Variants in MAPK10 observed in about 807,000 individuals in gnomAD.
MAPK10 encodes JNK3 alpha protein kinase.
A neutral mutation model predicts 59.3 loss-of-function variants in MAPK10; 25 were observed. The ratio of observed to expected loss-of-function variants is 0.42; its 90% CI spans 0.31 to 0.59. The LOEUF is 0.59. Ranked by LOEUF, MAPK10 falls within the 20% of genes least tolerant of loss-of-function variation. The probability of loss-of-function intolerance (pLI) is 0.15; values close to 1 mark genes in which losing one functional copy is unlikely to be tolerated. For synonymous variants in MAPK10, 190 were observed against 200.5 expected (o/e 0.95, Z 0.44); for missense variants, 351 against 568.9 (o/e 0.62, Z 3.90).
chr4:86,526,112 C>T (rs1757456430), intron 1 of MAPK10, among the ~76,000 whole-genome samples: 1 of 152,122 alleles, frequency 6.6e-6, no homozygotes, highest in South Asian at 2.1e-4. Flanking sequence ...CCCTCCTTCT[C>T]AATGTTTTTG....
At chr4:86,447,144 G>C (rs1750139436) in intron 1 of MAPK10, among the ~76,000 whole-genome samples, 1 of 152,154 alleles carries the variant, frequency 6.6e-6, no homozygotes, top group Admixed American at 6.5e-5. Context: ...CAGGTGTTGA[G>C]AGAGGGACCT....
chr4:86,220,285 T>C (rs543715559), intron 2 of MAPK10, among the ~76,000 whole-genome samples: 67 of 152,228 alleles, frequency 4.4e-4, no homozygotes, highest in African/African-American at 1.6e-3. Flanking sequence ...TATGGAGCCA[T>C]CATTAATCAC....
intron 1 of MAPK10, among the ~76,000 whole-genome samples, chr4:86,413,063 T>C (rs1745403549): frequency 6.6e-6 from 1 of 152,196 alleles, no homozygotes; most frequent in Non-Finnish European, 1.5e-5. Flanking sequence ...GTCTTTGATG[T>C]TGGTGACCTA....
chr4:86,225,994 A>G (rs2090548605), intron 2 of MAPK10, among the ~76,000 whole-genome samples: 1 of 152,274 alleles, frequency 6.6e-6, no homozygotes, highest in African/African-American at 2.4e-5. Flanking sequence ...GATGTTTAAC[A>G]ACAGTTTTCT....
intron 4 of MAPK10, among the ~76,000 whole-genome samples, chr4:86,112,500 C>G (rs2057655713): frequency 6.6e-6 from 1 of 152,112 alleles, no homozygotes; most frequent in Non-Finnish European, 1.5e-5. Context: ...GCATGTTGTT[C>G]ACCTTTCTCG....
chr4:86,164,301 CA>C (rs1404416286), intron 3 of MAPK10: 7 of 151,986 alleles, frequency 4.6e-5, no homozygotes, highest in African/African-American at 1.4e-4. Flanking sequence ...GTTTTAAAAA[CA>C]AATGTCAAAT....
chr4:86,390,202 T>C (rs1341005375), intron 1 of MAPK10, among the ~76,000 whole-genome samples: 1 of 152,206 alleles, frequency 6.6e-6, no homozygotes, highest in Non-Finnish European at 1.5e-5. Flanking sequence ...ATTGATTCTT[T>C]AAAATCATAT....
At chr4:86,245,311 ATTT>A (rs35547091) in intron 2 of MAPK10, among the ~76,000 whole-genome samples, 7 of 137,302 alleles carry the variant, frequency 5.1e-5, no homozygotes, top group East Asian at 2.1e-4. Flanking sequence ...ACAAGTGCCA[ATTT>A]TTTTTTTTTT....
chr4:86,364,425 G>A (rs192796141), upstream of MAPK10, among the ~76,000 whole-genome samples: 594 of 152,182 alleles, frequency 3.9e-3, 9 homozygotes, highest in Non-Finnish European at 3.4e-3. Flanking sequence ...CACTGCTCCA[G>A]GTCCATTGAA....
intron 1 of MAPK10, among the ~76,000 whole-genome samples, chr4:86,561,005 AG>A (rs1414468215): frequency 6.6e-6 from 1 of 152,226 alleles, no homozygotes; most frequent in Admixed American, 6.5e-5. Flanking sequence ...TTTTGGCACC[AG>A]GGACCAGTTT....
intron 4 of MAPK10, among the ~76,000 whole-genome samples, chr4:86,143,130 G>C (rs1218645381): frequency 6.6e-6 from 1 of 152,104 alleles, no homozygotes; most frequent in Non-Finnish European, 1.5e-5. Context: ...GTGGCAGGAC[G>C]GAGTGAGTGC....
At chr4:86,554,935 A>G (rs1323205620) in intron 1 of MAPK10, among the ~76,000 whole-genome samples, 3 of 152,160 alleles carry the variant, frequency 2.0e-5, no homozygotes, top group Non-Finnish European at 4.4e-5. Flanking sequence ...ATATCTTTTC[A>G]AAACTCTATG....
intron 1 of MAPK10, among the ~76,000 whole-genome samples, chr4:86,564,758 C>T (rs1400435697): frequency 4.6e-5 from 7 of 152,136 alleles, no homozygotes; most frequent in South Asian, 2.1e-4. Context: ...CCTCAAAGCT[C>T]GGAAAAGGGT....
At chr4:86,487,362 A>AGAGTGTGT (rs1554272299) in intron 1 of MAPK10, among the ~76,000 whole-genome samples, 1,517 of 148,814 alleles carry the variant, frequency 0.01, 7 homozygotes, top group Non-Finnish European at 0.014. Flanking sequence ...AGAGAGAGAG[A>AGAGTGTGT]GTGTGTGTGT....
intron 2 of MAPK10, chr4:86,336,378 C>T (rs770026102): frequency 1.1e-4 from 17 of 152,196 alleles, no homozygotes; most frequent in Non-Finnish European, 2.2e-4. Flanking sequence ...GACAACCCCA[C>T]TTTTTCTTGT....
chr4:86,470,369 A>G (rs1213554986), intron 1 of MAPK10, among the ~76,000 whole-genome samples: 1 of 152,230 alleles, frequency 6.6e-6, no homozygotes, highest in African/African-American at 2.4e-5. Context: ...GAATATTTTT[A>G]TCATACAAGA....
At chr4:86,416,641 T>TA (rs1745895661) in intron 1 of MAPK10, among the ~76,000 whole-genome samples, 1 of 152,208 alleles carries the variant, frequency 6.6e-6, no homozygotes, top group South Asian at 2.1e-4. Context: ...CAAGACCTGG[T>TA]ACATGAAGCT....
chr4:86,212,363 A>T (rs1275310511), intron 2 of MAPK10, among the ~76,000 whole-genome samples: 1 of 152,102 alleles, frequency 6.6e-6, no homozygotes, highest in African/African-American at 2.4e-5. Context: ...ACAAAAAAAA[A>T]ATTATAAAAT....
intron 4 of MAPK10, among the ~76,000 whole-genome samples, chr4:86,109,661 G>T (rs978477080): frequency 9.9e-5 from 15 of 152,168 alleles, no homozygotes; most frequent in African/African-American, 3.4e-4. Flanking sequence ...TTGATTCCAT[G>T]TCTTTGCTAT....
Sources: allele counts gnomAD v4.1 joint callset (sites outside exome capture counted in the v4.1 genomes callset), GRCh38; gene constraint gnomAD v4.1.1; transcripts MANE v1.5; gene names NCBI Gene and HGNC (gene_info 2026-07-23, HGNC 2026-07-21).